The following GC variants were observed in gnomAD, a reference collection of about 807,000 sequenced individuals.
GC encodes the protein vitamin D-binding protein.
In GC, 43 loss-of-function variants were observed where a neutral mutation model predicts 56.7. That is an observed-to-expected ratio of 0.76 (90% CI 0.59 to 0.98). The LOEUF is 0.98. GC is among the 50% of genes least tolerant of loss of function. The pLI, the probability that GC is intolerant of heterozygous loss-of-function variation, is 0.00. For synonymous variants in GC, 216 were observed against 202.7 expected, an observed-to-expected ratio of 1.07 and a Z score of -0.56; for missense variants, 529 against 545.9, an observed-to-expected ratio of 0.97 and a Z score of 0.31.
intron 1 of GC, among the ~76,000 whole-genome samples, chr4:71,779,649 G>A (rs1742614055): frequency 6.6e-6 from 1 of 151,834 alleles, no homozygotes; most frequent in South Asian, 2.1e-4. Flanking sequence ...CCTTTTAGAG[G>A]TTTCTTCATT....
chr4:71,775,551 A>G (rs1742482570), intron 1 of GC, among the ~76,000 whole-genome samples: 1 of 151,980 alleles, frequency 6.6e-6, no homozygotes, highest in Admixed American at 6.6e-5. Flanking sequence ...TTAAACTAAT[A>G]CAAGAAAACA....
At chr4:71,794,442 A>G (rs368892757) in intron 1 of GC, among the ~76,000 whole-genome samples, 1 of 152,116 alleles carries the variant, frequency 6.6e-6, no homozygotes, top group Non-Finnish European at 1.5e-5. Context: ...GTTTATTTGC[A>G]TAGAGGTGTT....
intron 11 of GC, among the ~76,000 whole-genome samples, chr4:71,747,068 A>G (rs999654717): frequency 3.9e-5 from 6 of 152,186 alleles, no homozygotes; most frequent in Admixed American, 3.3e-4. Context: ...TTTGGTGCAT[A>G]TGGAAAAAGA....
chr4:71,741,859 T>A lies in GC; in HGVS notation c.*37A>T, dbSNP rs1741195602. The A allele has an allele frequency of 1.0e-5, 7 of 702,838 alleles. No individual in the cohort carries two copies. Among genetic ancestry groups the A allele is most frequent in the South Asian group, 3.0e-5 (2 of 67,606 alleles). The allele number at this position is 702,838 out of a possible 1,614,324, so 43.5% of individuals were successfully genotyped here. ...ATCAGAGATCATTCCCCTGGGTGGC[T>A]CCAACTCTGGTCTATGAGAATAATG... On this transcript the variant is annotated 3_prime_UTR_variant, in exon 13 of 13. Transcript: ENST00000273951.
At chr4:71,784,103 T>C, upstream of GC, 1 of 1,532,972 alleles carries the variant, frequency 6.5e-7, no homozygotes, top group Non-Finnish European at 8.7e-7. Context: ...TGGTTTCCTT[T>C]TTACAAAGAT....
intron 1 of GC, among the ~76,000 whole-genome samples, chr4:71,798,036 T>G (rs1427447392): frequency 6.6e-6 from 1 of 152,244 alleles, no homozygotes; most frequent in Non-Finnish European, 1.5e-5. Flanking sequence ...TCTTCAACCT[T>G]TGTTGTCTCT....
chr4:71,805,194 C>G (rs1743336049), upstream of GC, among the ~76,000 whole-genome samples: 1 of 152,198 alleles, frequency 6.6e-6, no homozygotes, highest in Non-Finnish European at 1.5e-5. Flanking sequence ...CCAGGCTTCA[C>G]TAGCTTTAAG....
chr4:71,765,638 T>C lies in GC; in HGVS notation c.267A>G (p.Ser89=). 6.2e-7 allele frequency: 1 copy of C among 1,608,838 alleles called. No homozygotes were observed. Among genetic ancestry groups the C allele is most frequent in the Non-Finnish European group, 8.5e-7 (1 of 1,175,476 alleles). The part of the protein sequence containing the change: ...ADPDCYDTRT[S]ALSAKSCESN... Reference sequence around the variant, plus strand: ...TTTCACAGGACTTGGCAGACAGTGCTGAGGTCTGGAGGAGAAGGAAAAAGG... The same window carrying C: ...TTTCACAGGACTTGGCAGACAGTGCCGAGGTCTGGAGGAGAAGGAAAAAGG... Residue 89 remains serine (S), a synonymous_variant, in exon 4 of 13, where the codon TCA becomes TCG. Coordinates refer to ENST00000273951, the MANE Select transcript of GC (RefSeq NM_000583.4).
chr4:71,756,971 A>G (rs1741799934), intron 7 of GC, 57 bp from the exon 8 acceptor site: 1 of 1,186,894 alleles, frequency 8.4e-7, no homozygotes. Flanking sequence ...CTAATTAAAA[A>G]TAAGAATTAC....
At chr4:71,770,093 GA>G (rs1189132036) in intron 1 of GC, among the ~76,000 whole-genome samples, 1 of 152,156 alleles carries the variant, frequency 6.6e-6, no homozygotes, top group East Asian at 1.9e-4. Flanking sequence ...AGGGCTTCAA[GA>G]AACCACTCAG....
upstream of GC, among the ~76,000 whole-genome samples, chr4:71,784,763 G>A (rs1420420624): frequency 1.3e-5 from 2 of 151,636 alleles, no homozygotes; most frequent in Non-Finnish European, 3.0e-5. Context: ...AAAAGTTAGT[G>A]GCAAATCTTG....
Position 71,768,382 on chromosome 4 carries a change from G to GACCTGTTCA in GC, c.171_179dup (p.Glu58_Val60dup). ...AGACAACTTCCTTCACAAGTTGGCT[G>GACCTGTTCA]ACCTGTTCAAACGTGCCACTGGGAA... On this transcript the variant is annotated inframe_insertion, in exon 3 of 13. Transcript: ENST00000273951. The GACCTGTTCA allele has an allele frequency of 6.2e-7, 1 of 1,613,460 alleles. No homozygotes were observed. The highest frequency in any genetic ancestry group is 1.1e-5 in the South Asian group (1 of 90,974).
intron 1 of GC, among the ~76,000 whole-genome samples, chr4:71,792,483 C>T (rs567511686): frequency 6.6e-6 from 1 of 152,230 alleles, no homozygotes; most frequent in Admixed American, 6.5e-5. Flanking sequence ...TGTTCATATC[C>T]TTTGCCCACT....
At chr4:71,802,143 T>C (rs1743267215) in intron 1 of GC, among the ~76,000 whole-genome samples, 2 of 152,224 alleles carry the variant, frequency 1.3e-5, no homozygotes, top group Non-Finnish European at 2.9e-5. Flanking sequence ...TAAACCATTA[T>C]GTGAATAGCA....
At chr4:71,803,204 A>G (rs1253160389) in intron 1 of GC, among the ~76,000 whole-genome samples, 1 of 152,196 alleles carries the variant, frequency 6.6e-6, no homozygotes, top group Non-Finnish European at 1.5e-5. Context: ...ACATTTGTAG[A>G]ATCCAAAGAT....
chr4:71,804,769 A>AG (rs1743326298), upstream of GC, among the ~76,000 whole-genome samples: 1 of 152,050 alleles, frequency 6.6e-6, no homozygotes, highest in South Asian at 2.1e-4. Context: ...GCAGGCCAAG[A>AG]GCTACCCTTC....
intron 1 of GC, among the ~76,000 whole-genome samples, chr4:71,797,677 C>T (rs1181157982): frequency 6.6e-6 from 1 of 152,240 alleles, no homozygotes; most frequent in Non-Finnish European, 1.5e-5. Flanking sequence ...TGGGCAGCAC[C>T]CACTGTCCAA....
At chr4:71,792,342 T>C (rs1742992252) in intron 1 of GC, among the ~76,000 whole-genome samples, 1 of 152,220 alleles carries the variant, frequency 6.6e-6, no homozygotes, top group Non-Finnish European at 1.5e-5. Flanking sequence ...TTCCTGACTT[T>C]TTAATGATCA....
chr4:71,769,808 A>G (rs1199837479), intron 1 of GC, among the ~76,000 whole-genome samples: 4 of 151,780 alleles, frequency 2.6e-5, no homozygotes, highest in African/African-American at 9.7e-5. Context: ...TCTCAGTTTT[A>G]CCTAAGGCCT....
Sources: allele counts gnomAD v4.1 joint callset (sites outside exome capture counted in the v4.1 genomes callset), GRCh38; gene constraint gnomAD v4.1.1; transcripts MANE v1.5; gene names NCBI Gene and HGNC (gene_info 2026-07-23, HGNC 2026-07-21).